The following RIC8B variants were observed in gnomAD, a reference collection of about 807,000 sequenced individuals.
RIC8B encodes RIC8 guanine nucleotide exchange factor B, also known as chaperone Ric-8B.
In RIC8B, 16 loss-of-function variants were observed where a neutral mutation model predicts 57.5. The ratio of observed to expected loss-of-function variants is 0.28; its 90% CI spans 0.19 to 0.42. The LOEUF is 0.42. Among genes scored for constraint, RIC8B ranks in the 10% least tolerant of loss-of-function variants. The pLI, the probability that RIC8B is intolerant of heterozygous loss-of-function variation, is 1.00. For synonymous variants in RIC8B, 216 were observed against 250.8 expected, an observed-to-expected ratio of 0.86 and a Z score of 1.31; for missense variants, 481 against 677.0, an observed-to-expected ratio of 0.71 and a Z score of 3.21.
At chr12:106,790,330 A>G (rs1202798200) in intron 2 of RIC8B, among the ~76,000 whole-genome samples, 1 of 152,212 alleles carries the variant, frequency 6.6e-6, no homozygotes, top group Non-Finnish European at 1.5e-5. Context: ...AGGTAACTAG[A>G]TTTAAGTTGG....
chr12:106,878,469 C>T (rs1043160905), intron 9 of RIC8B, among the ~76,000 whole-genome samples: 2 of 152,174 alleles, frequency 1.3e-5, no homozygotes, highest in Admixed American at 1.3e-4. Flanking sequence ...GCTTCCTTCT[C>T]AGGGCTATCA....
intron 3 of RIC8B, chr12:106,822,934 T>G (rs2045919021): frequency 6.5e-6 from 1 of 153,366 alleles, no homozygotes; most frequent in Non-Finnish European, 1.5e-5. Flanking sequence ...AAGTTAGAAT[T>G]ACCCTTGAGG....
chr12:106,881,672 A>C (rs1009257973), intron 9 of RIC8B, among the ~76,000 whole-genome samples: 15 of 152,294 alleles, frequency 9.8e-5, no homozygotes, highest in African/African-American at 3.4e-4. Flanking sequence ...TGCAAATGAA[A>C]TAGTCCCAGA....
chr12:106,837,638 T>TG (rs2046667456), intron 4 of RIC8B, among the ~76,000 whole-genome samples: 2 of 144,842 alleles, frequency 1.4e-5, no homozygotes, highest in African/African-American at 5.3e-5. Flanking sequence ...GAAAATCTTT[T>TG]GTTTTTTTTT....
rs1480825852 is a variant in RIC8B at position 106,886,095 on chromosome 12, C to T, written c.*80C>T. 2 of 974,888 alleles carry T rather than the reference C, an allele frequency of 2.1e-6. No homozygotes were observed. Among genetic ancestry groups the T allele is most frequent in the African/African-American group, 1.6e-5 (1 of 62,140 alleles). The allele number at this position is 974,888 out of a possible 1,614,324, so 60.4% of individuals were successfully genotyped here. A position where few individuals can be genotyped will look rare whatever the true frequency, so the allele number is the denominator to read the frequency against. On this transcript the variant is annotated 3_prime_UTR_variant, in exon 10 of 10. Coordinates refer to ENST00000392837, the MANE Select transcript of RIC8B (RefSeq NM_001330145.2). ...CTCCAGGGGAATCTTTTCTCTAAAA[C>T]ATTTATGCCCTTGCTTTGGCTAGAA...
At chr12:106,826,023 A>G (rs556638456) in intron 4 of RIC8B, among the ~76,000 whole-genome samples, 7 of 152,184 alleles carry the variant, frequency 4.6e-5, no homozygotes, top group Non-Finnish European at 1.0e-4. Context: ...TCACTTTGTT[A>G]TATTGAGGCT....
intron 2 of RIC8B, among the ~76,000 whole-genome samples, chr12:106,788,558 T>C (rs539564097): frequency 1.3e-5 from 2 of 152,336 alleles, no homozygotes; most frequent in East Asian, 3.9e-4. Flanking sequence ...TTCTGAAATA[T>C]AGGTGGAGGT....
chr12:106,885,329 GAA>G (rs1387566698), intron 9 of RIC8B, among the ~76,000 whole-genome samples: 2 of 151,948 alleles, frequency 1.3e-5, no homozygotes, highest in African/African-American at 4.8e-5. Context: ...GAGGAGGAAA[GAA>G]AGAGTGAAAG....
intron 2 of RIC8B, among the ~76,000 whole-genome samples, chr12:106,813,226 C>G (rs1851635601): frequency 7.9e-6 from 1 of 127,126 alleles, no homozygotes; most frequent in Non-Finnish European, 1.6e-5. Flanking sequence ...GAGTCTCGCT[C>G]TGTTGCCAGC....
chr12:106,787,341 A>G lies in RIC8B; in HGVS notation c.132+3297A>G, dbSNP rs537652187. ...CTTTCATGCCTAAGGCTCTTTTTAG[A>G]CTTAGACATCAGAACTATTGGACAG... On this transcript the variant is annotated intron_variant, in intron 2 of 9. Transcript: ENST00000392837. 2.0e-5 allele frequency among the ~76,000 whole-genome samples: 3 copies of G among 152,276 alleles called. No homozygotes were observed. The South Asian group carries it at 6.2e-4, about 32-fold the overall frequency.
chr12:106,870,486 C>G (rs1434005973), intron 8 of RIC8B, among the ~76,000 whole-genome samples: 1 of 151,848 alleles, frequency 6.6e-6, no homozygotes, highest in Admixed American at 6.6e-5. Flanking sequence ...AATCATGTGT[C>G]CCCTTAGAAT....
At chr12:106,820,013 T>C (rs890455014) in intron 3 of RIC8B, among the ~76,000 whole-genome samples, 1 of 152,148 alleles carries the variant, frequency 6.6e-6, no homozygotes, top group Non-Finnish European at 1.5e-5. Context: ...TTTTTATATA[T>C]GTTGCCAAAT....
At chr12:106,793,367 A>C (rs2044341642) in intron 2 of RIC8B, among the ~76,000 whole-genome samples, 1 of 152,204 alleles carries the variant, frequency 6.6e-6, no homozygotes, top group Admixed American at 6.5e-5. Context: ...AAAGGAACTG[A>C]CTTCATTTGC....
chr12:106,825,252 G>A (rs1236712073), intron 3 of RIC8B, among the ~76,000 whole-genome samples: 1 of 152,168 alleles, frequency 6.6e-6, no homozygotes, highest in Non-Finnish European at 1.5e-5. Flanking sequence ...ATTACTTGCT[G>A]GTAGTTCTGG....
chr12:106,859,591 C>A (rs950625927), intron 7 of RIC8B, among the ~76,000 whole-genome samples: 1 of 151,984 alleles, frequency 6.6e-6, no homozygotes, highest in Non-Finnish European at 1.5e-5. Context: ...TATTCTGTTT[C>A]TACAGATTAG....
At chr12:106,849,439 T>C (rs1407781916) in intron 6 of RIC8B, among the ~76,000 whole-genome samples, 2 of 148,846 alleles carry the variant, frequency 1.3e-5, no homozygotes, top group African/African-American at 5.0e-5. Context: ...AGGTGTGAGC[T>C]ACCATGCCCG....
intron 2 of RIC8B, among the ~76,000 whole-genome samples, chr12:106,797,487 C>T (rs1336868314): frequency 6.6e-6 from 1 of 152,068 alleles, no homozygotes; most frequent in Non-Finnish European, 1.5e-5. Flanking sequence ...TTGCCAGGGG[C>T]TGGAGGAAGA....
intron 8 of RIC8B, among the ~76,000 whole-genome samples, chr12:106,862,226 T>A (rs1949972769): frequency 6.6e-6 from 1 of 152,088 alleles, no homozygotes; most frequent in African/African-American, 2.4e-5. Flanking sequence ...AGAATAGTCA[T>A]CATTGTGAAA....
At chr12:106,849,274 T>C (rs960689827) in intron 6 of RIC8B, among the ~76,000 whole-genome samples, 1 of 150,290 alleles carries the variant, frequency 6.7e-6, no homozygotes, top group Non-Finnish European at 1.5e-5. Flanking sequence ...AAAAATTTTT[T>C]TCTTTTTAAA....
Sources: allele counts gnomAD v4.1 joint callset (sites outside exome capture counted in the v4.1 genomes callset), GRCh38; gene constraint gnomAD v4.1.1; transcripts MANE v1.5; gene names NCBI Gene and HGNC (gene_info 2026-07-23, HGNC 2026-07-21).